Variants in RBMS1 observed in about 807,000 individuals in gnomAD.
RBMS1 encodes the protein RNA binding motif single stranded interacting protein 1, also known as RNA-binding motif, single-stranded-interacting protein 1.
RBMS1 carries 17 observed loss-of-function variants against 62.3 expected under a neutral mutation model. The observed-to-expected ratio is 0.27, with a 90% CI of 0.19 to 0.41. The LOEUF is 0.41. Among genes scored for constraint, RBMS1 ranks in the 10% least tolerant of loss-of-function variants. The pLI, the probability that RBMS1 is intolerant of heterozygous loss-of-function variation, is 1.00. For synonymous variants in RBMS1, 172 were observed against 170.0 expected, an observed-to-expected ratio of 1.01 and a Z score of -0.09; for missense variants, 334 against 504.5, an observed-to-expected ratio of 0.66 and a Z score of 3.24.
At chr2:160,462,719 C>T (rs1684518774) in intron 1 of RBMS1, among the ~76,000 whole-genome samples, 1 of 152,156 alleles carries the variant, frequency 6.6e-6, no homozygotes, top group African/African-American at 2.4e-5. Context: ...AGCGATTCTC[C>T]TGCCTCAGCC....
chr2:160,296,479 T>C (rs972090512), intron 6 of RBMS1, among the ~76,000 whole-genome samples: 1 of 152,198 alleles, frequency 6.6e-6, no homozygotes, highest in African/African-American at 2.4e-5. Flanking sequence ...GAATTTCTAA[T>C]GGTAAACATC....
intron 7 of RBMS1, among the ~76,000 whole-genome samples, chr2:160,286,203 G>A (rs1688380455): frequency 1.3e-5 from 2 of 149,786 alleles, no homozygotes; most frequent in Non-Finnish European, 3.0e-5. Flanking sequence ...AGGAGGCTGA[G>A]GTGGGAGGAC....
intron 2 of RBMS1, among the ~76,000 whole-genome samples, chr2:160,327,768 A>G (rs538721335): frequency 6.6e-6 from 1 of 152,298 alleles, no homozygotes; most frequent in East Asian, 1.9e-4. Context: ...TGAAACCCAG[A>G]ATTTTGCAAG....
chr2:160,464,284 A>G lies in RBMS1; in HGVS notation c.75+29005T>C, dbSNP rs114304549. ...AGTAAACAGTTCAGCAAATTATGAT[A>G]TAATTAAAAAACAGAAAACTACTAT... On this transcript the variant is annotated intron_variant, in intron 1 of 13. Transcript: ENST00000348849. Among the ~76,000 whole-genome samples, 899 of 152,374 alleles carry G rather than the reference A, an allele frequency of 5.9e-3. 12 individuals are homozygous for G. Among genetic ancestry groups the G allele is most frequent in the African/African-American group, 0.021 (854 of 41,592 alleles).
chr2:160,426,283 A>AAGAAAGAAAGAAAGAAAGAG, intron 1 of RBMS1, among the ~76,000 whole-genome samples: 1 of 115,174 alleles, frequency 8.7e-6, no homozygotes, highest in Middle Eastern at 4.2e-3. Flanking sequence ...GAAAGAAAGA[A>AAGAAAGAAAGAAAGAAAGAG]AGAAAGAAAA....
In RBMS1 at chr2:160,429,526, T is replaced by C. The variant is rs543696769; in HGVS notation, c.76-62135A>G. On this transcript the variant is annotated intron_variant, in intron 1 of 13. Transcript: ENST00000348849. The stretch of plus-strand genomic sequence containing the variant: ...AATAAAAACTATGATTGTAGTACAC[T>C]TTTTAAAAAATTAAACAATAAGACT... 2.0e-5 allele frequency among the ~76,000 whole-genome samples: 3 copies of C among 152,368 alleles called. No individual in the cohort carries two copies. In the East Asian group the frequency reaches 5.8e-4, roughly 29 times the overall value.
intron 7 of RBMS1, among the ~76,000 whole-genome samples, chr2:160,285,759 C>T (rs1307735536): frequency 6.6e-6 from 1 of 151,526 alleles, no homozygotes; most frequent in African/African-American, 2.4e-5. Flanking sequence ...TAAATATAAA[C>T]CCCTCTAAGA....
chr2:160,309,870 T>G (rs2105960207), intron 4 of RBMS1, among the ~76,000 whole-genome samples: 1 of 152,296 alleles, frequency 6.6e-6, no homozygotes, highest in African/African-American at 2.4e-5. Flanking sequence ...AATCATTTGC[T>G]CATCTCACTA....
At chr2:160,390,974 C>T (rs1221426588) in intron 1 of RBMS1, among the ~76,000 whole-genome samples, 1 of 151,600 alleles carries the variant, frequency 6.6e-6, no homozygotes, top group Non-Finnish European at 1.5e-5. Context: ...GCTAATGTGA[C>T]CACAAGTGAG....
At chr2:160,296,997 G>A (rs958175981) in intron 6 of RBMS1, among the ~76,000 whole-genome samples, 8 of 152,258 alleles carry the variant, frequency 5.3e-5, no homozygotes, top group Admixed American at 5.2e-4. Context: ...AGCAGTTAAA[G>A]GCTCCCTCTC....
chr2:160,304,966 T>C (rs188092091), intron 4 of RBMS1, among the ~76,000 whole-genome samples: 279 of 152,266 alleles, frequency 1.8e-3, no homozygotes, highest in African/African-American at 6.5e-3. Flanking sequence ...GCGATTCTCC[T>C]GCCTCAGCCT....
intron 2 of RBMS1, among the ~76,000 whole-genome samples, chr2:160,360,360 ATC>A (rs1693057137): frequency 1.3e-5 from 2 of 152,178 alleles, no homozygotes; most frequent in South Asian, 4.1e-4. Context: ...CAAAATTAGC[ATC>A]TGAGAGAGAC....
chr2:160,355,456 T>C (rs1171524359), intron 2 of RBMS1, among the ~76,000 whole-genome samples: 1 of 152,122 alleles, frequency 6.6e-6, no homozygotes, highest in African/African-American at 2.4e-5. Context: ...CTGATCCCTA[T>C]ATTTGTTAAT....
At chr2:160,461,332 G>GA (rs1180430043) in intron 1 of RBMS1, among the ~76,000 whole-genome samples, 7 of 152,132 alleles carry the variant, frequency 4.6e-5, no homozygotes, top group African/African-American at 1.2e-4. Context: ...ATGCTCTTTT[G>GA]AAAAAATCAA....
chr2:160,469,098 C>T (rs553588138), intron 1 of RBMS1, among the ~76,000 whole-genome samples: 4 of 152,294 alleles, frequency 2.6e-5, no homozygotes, highest in African/African-American at 9.6e-5. Context: ...ATACCCTCAT[C>T]CCTGATTTGG....
intron 2 of RBMS1, among the ~76,000 whole-genome samples, chr2:160,321,490 G>GA (rs1559377552): frequency 6.6e-6 from 1 of 151,784 alleles, no homozygotes; most frequent in Non-Finnish European, 1.5e-5. Context: ...GTGTGTATGT[G>GA]TTTTTTTTAA....
At chr2:160,400,948 T>G (rs1467345892) in intron 1 of RBMS1, among the ~76,000 whole-genome samples, 1 of 152,202 alleles carries the variant, frequency 6.6e-6, no homozygotes, top group East Asian at 1.9e-4. Flanking sequence ...TTCACCACAA[T>G]TTTGAGACAT....
At position 160,458,809 on chromosome 2, in the gene RBMS1, A is replaced by AC. The variant is rs527913381; in HGVS notation, c.75+34479_75+34480insG. On this transcript the variant is annotated intron_variant, in intron 1 of 13. Transcript: ENST00000348849. ...CAAACTCTGTCTCAAAAAAAAAAAA[A>AC]AAATCTCCAAAGTAACTTTTTAAAC... 9.9e-5 allele frequency among the ~76,000 whole-genome samples: 15 copies of AC among 152,172 alleles called. No individual in the cohort carries two copies. The South Asian group carries it at 3.1e-3, about 32-fold the overall frequency.
chr2:160,446,701 A>T (rs185245032), intron 1 of RBMS1, among the ~76,000 whole-genome samples: 1 of 152,286 alleles, frequency 6.6e-6, no homozygotes, highest in East Asian at 1.9e-4. Context: ...GTTTTAAACT[A>T]ATTACCAGAT....
Sources: allele counts gnomAD v4.1 joint callset (sites outside exome capture counted in the v4.1 genomes callset), GRCh38; gene constraint gnomAD v4.1.1; transcripts MANE v1.5; gene names NCBI Gene and HGNC (gene_info 2026-07-23, HGNC 2026-07-21).